The following ECD variants were observed in gnomAD, a reference collection of about 807,000 sequenced individuals.
ECD encodes the protein ecdysoneless cell cycle regulator.
ECD carries 59 observed loss-of-function variants against 77.2 expected under a neutral mutation model. That is an observed-to-expected ratio of 0.76 (90% CI 0.62 to 0.95). ECD has a LOEUF of 0.95. ECD is among the 40% of genes least tolerant of loss of function. ECD has a pLI of 0.00. For synonymous variants in ECD, 233 were observed against 267.4 expected (o/e 0.87, Z 1.26); for missense variants, 704 against 763.4 (o/e 0.92, Z 0.92).
At chr10:73,164,984 C>T (rs1241508243) in intron 1 of ECD, among the ~76,000 whole-genome samples, 1 of 152,082 alleles carries the variant, frequency 6.6e-6, no homozygotes, top group Admixed American at 6.6e-5. Flanking sequence ...TAATATATTT[C>T]GAGAAACACT....
At chr10:73,166,906 G>A (rs1171738757) in intron 1 of ECD, among the ~76,000 whole-genome samples, 1 of 152,178 alleles carries the variant, frequency 6.6e-6, no homozygotes. Flanking sequence ...GTCCTAGAGA[G>A]TTTCCCCAAT....
intron 13 of ECD, 88 bp downstream of exon 13, chr10:73,136,616 C>T: frequency 1.6e-6 from 2 of 1,243,360 alleles, no homozygotes; most frequent in South Asian, 1.4e-5. Flanking sequence ...ATCTCACACA[C>T]CAAAAAAAGA....
In ECD at chr10:73,154,395, G is replaced by T. The variant is rs1299950021; in HGVS notation, c.644C>A (p.Ala215Asp). Reference sequence around the variant, plus strand: ...CTGCTTTAGCACTGCCACAATGCCAGCTGGAAGGAAGCAGTGTGCTCGATG... The same window carrying T: ...CTGCTTTAGCACTGCCACAATGCCATCTGGAAGGAAGCAGTGTGCTCGATG... Reference protein sequence around the residue: ...SLHRAHCFLPAGIVAVLKQRP... With the variant: ...SLHRAHCFLPDGIVAVLKQRP... Residue 215 changes from alanine (A) to aspartate (D), a missense_variant, in exon 6 of 14, where the codon GCT becomes GAT. By Grantham distance (126) the Ala-to-Asp change is moderately radical (BLOSUM62 -2). Around this residue, in one of 3 missense-constraint regions of ECD, gnomAD observed 559 missense variants for 583.7 expected, o/e 0.96. Coordinates refer to ENST00000372979, the MANE Select transcript of ECD (RefSeq NM_007265.3). 2.0e-5 allele frequency: 33 copies of T among 1,613,824 alleles called. No individual in the cohort carries two copies. Among genetic ancestry groups the T allele is most frequent in the Non-Finnish European group, 2.7e-5 (32 of 1,180,010 alleles).
intron 2 of ECD, among the ~76,000 whole-genome samples, chr10:73,162,474 T>C (rs1012124513): frequency 6.6e-6 from 1 of 152,230 alleles, no homozygotes. Flanking sequence ...TGGTTTTAGA[T>C]GTGCTACACC....
At chr10:73,151,090 G>A (rs1843195712) in intron 7 of ECD, among the ~76,000 whole-genome samples, 1 of 152,048 alleles carries the variant, frequency 6.6e-6, no homozygotes. Flanking sequence ...TGTTCACTGT[G>A]GCACTATTCA....
chr10:73,135,759 A>G (rs1040555208), intron 13 of ECD, among the ~76,000 whole-genome samples: 1 of 151,536 alleles, frequency 6.6e-6, no homozygotes, highest in Admixed American at 6.6e-5. Flanking sequence ...ATAAAACAAA[A>G]TAATAATAAA....
At chr10:73,164,026 A>G in intron 1 of ECD, 76 bp from the exon 2 acceptor site, 1 of 1,306,994 alleles carries the variant, frequency 7.7e-7, no homozygotes, top group Non-Finnish European at 1.1e-6. Flanking sequence ...AGATGGTTCT[A>G]TGAACACTGT....
In ECD at chr10:73,154,431, T is replaced by A; in HGVS notation, c.608A>T (p.Gln203Leu). 1 of 1,608,720 alleles carries A rather than the reference T, an allele frequency of 6.2e-7. No homozygotes were observed. The change falls in exon 6 of 14, where the codon CAG becomes CTG. Residue 203 changes from glutamine (Q) to leucine (L), a missense_variant. Coordinates refer to ENST00000372979, the MANE Select transcript of ECD (RefSeq NM_007265.3). ...RRIRGYPEKI[Q>L]ASLHRAHCFL... Reference sequence around the variant, plus strand: ...GCAGTGTGCTCGATGAAGTGAGGCCTGAATTTTTTCTGGGTACCTGGGACA... The same window carrying A: ...GCAGTGTGCTCGATGAAGTGAGGCCAGAATTTTTTCTGGGTACCTGGGACA...
At chr10:73,145,221 A>G (rs1362252629) in intron 9 of ECD, among the ~76,000 whole-genome samples, 1 of 152,082 alleles carries the variant, frequency 6.6e-6, no homozygotes, top group Non-Finnish European at 1.5e-5. Context: ...AAAATTAGCC[A>G]GACCTGGTGG....
intron 9 of ECD, among the ~76,000 whole-genome samples, chr10:73,143,515 G>A (rs187898288): frequency 3.3e-5 from 5 of 152,014 alleles, no homozygotes; most frequent in Admixed American, 2.6e-4. Flanking sequence ...ACATCCACAC[G>A]GTATATATTT....
chr10:73,139,039 C>T (rs771475564), intron 11 of ECD, among the ~76,000 whole-genome samples: 10 of 152,110 alleles, frequency 6.6e-5, no homozygotes, highest in Non-Finnish European at 1.5e-4. Context: ...CATAAAGCTA[C>T]TAAAGAGTAA....
intron 7 of ECD, among the ~76,000 whole-genome samples, chr10:73,150,031 T>G (rs1040510105): frequency 1.3e-5 from 2 of 151,994 alleles, no homozygotes; most frequent in African/African-American, 4.8e-5. Context: ...TACTTTAAAG[T>G]TCATATAGAA....
chr10:73,157,801 G>A (rs1415074357), intron 3 of ECD, among the ~76,000 whole-genome samples: 1 of 151,434 alleles, frequency 6.6e-6, no homozygotes, highest in African/African-American at 2.4e-5. Context: ...ATGCATCACT[G>A]CTGTTTCTTG....
intron 13 of ECD, 39 bp downstream of exon 13, chr10:73,136,665 C>G (rs777029066): frequency 1.3e-6 from 2 of 1,575,940 alleles, no homozygotes; most frequent in Non-Finnish European, 1.7e-6. Flanking sequence ...ATCTGACATA[C>G]TAGACTCAGA....
intron 9 of ECD, among the ~76,000 whole-genome samples, chr10:73,144,520 G>A (rs1043208243): frequency 6.6e-5 from 10 of 152,126 alleles, no homozygotes; most frequent in Non-Finnish European, 1.2e-4. Context: ...GTAGAATGAT[G>A]GTTACCAGAG....
At chr10:73,143,904 A>G (rs1843091892) in intron 9 of ECD, among the ~76,000 whole-genome samples, 1 of 146,372 alleles carries the variant, frequency 6.8e-6, no homozygotes, top group Non-Finnish European at 1.5e-5. Flanking sequence ...CATTTAGATC[A>G]GTGGTTCCCA....
chr10:73,160,427 A>G lies in ECD; in HGVS notation c.323+7T>C. ...TTCCTTTAGAATAATTAAAATAACTACAATACCTTGCTACTAACTCTGGAA... is the reference window on the plus strand; with the variant it reads ...TTCCTTTAGAATAATTAAAATAACTGCAATACCTTGCTACTAACTCTGGAA... On this transcript the variant is annotated splice_region_variant and intron_variant, in intron 3 of 13. Transcript: ENST00000372979. 1 of 1,562,180 alleles carries G rather than the reference A, an allele frequency of 6.4e-7. No individual in the cohort carries two copies. The highest frequency in any genetic ancestry group is 8.7e-7 in the Non-Finnish European group (1 of 1,149,118).
chr10:73,139,825 A>T, intron 9 of ECD, 88 bp from the exon 10 acceptor site: 18 of 779,064 alleles, frequency 2.3e-5, no homozygotes, highest in Non-Finnish European at 2.9e-5. Context: ...GTTGGAAGGG[A>T]TTAGCTAGTC....
intron 1 of ECD, among the ~76,000 whole-genome samples, chr10:73,164,373 A>T (rs1843423157): frequency 6.6e-6 from 1 of 151,924 alleles, no homozygotes; most frequent in South Asian, 2.1e-4. Context: ...AAATAAAAAT[A>T]AAAAATAAAA....
Sources: gnomAD v4.1 joint callset for allele counts (sites outside exome capture counted in the v4.1 genomes callset) on GRCh38, gnomAD v4.1.1 for gene constraint, gnomAD v4.1.1 regional missense constraint, MANE v1.5 for transcripts, NCBI Gene and HGNC (gene_info 2026-07-23, HGNC 2026-07-21) for gene names.